Variants in NAGPA observed in about 807,000 individuals in gnomAD.
NAGPA encodes N-acetylglucosamine-1-phosphodiester alpha-N-acetylglucosaminidase, also known as alpha-N-acetylglucosaminyl phosphodiesterase.
In NAGPA, 56 loss-of-function variants were observed where a neutral mutation model predicts 48.5. The observed-to-expected ratio is 1.15, with a 90% CI of 0.93 to 1.44. The LOEUF (loss-of-function observed/expected upper bound fraction) is 1.44. Ranked by LOEUF, NAGPA falls within the 40% of genes most tolerant of loss-of-function variation. NAGPA has a pLI of 0.00. For missense variants in NAGPA, 888 were observed against 735.0 expected (o/e 1.21, Z -2.41); for synonymous variants, 399 against 315.5 (o/e 1.26, Z -2.81).
intron 9 of NAGPA, among the ~76,000 whole-genome samples, chr16:5,026,208 C>T (rs565038832): frequency 1.9e-4 from 28 of 150,578 alleles, no homozygotes; most frequent in African/African-American, 6.1e-4. Context: ...GGATTACAGG[C>T]GTGAGCCACC....
Position 5,030,401 on chromosome 16 carries a change from G to A in NAGPA, c.775C>T (p.Gln259Ter). 1 of 1,551,976 alleles carries A rather than the reference G, an allele frequency of 6.4e-7. No homozygotes were observed. The highest frequency in any genetic ancestry group is 2.4e-5 in the East Asian group (1 of 40,976). ...AGGACTCACCCACGCTGCTCCGTTT[G>A]GCCGTCTGCATGAAAGAGCACCAGC... ...GQLVLFHADG[Q>*]TEQRGINLWE... Residue 259 changes from glutamine to a stop codon, truncating the protein, a stop_gained, in exon 4 of 10, where the codon CAA becomes TAA. Coordinates refer to ENST00000312251, the MANE Select transcript of NAGPA (RefSeq NM_016256.4). LOFTEE classifies it high-confidence loss of function.
At position 5,024,987 on chromosome 16, in the gene NAGPA, T is replaced by C. The variant is rs907881688; in HGVS notation, c.*491A>G. ...ATCCCTTCTTCCAAGGAGCTTCCTATGACAGGAAATCGAATTCTAGTTGGC... is the reference window on the plus strand; with the variant it reads ...ATCCCTTCTTCCAAGGAGCTTCCTACGACAGGAAATCGAATTCTAGTTGGC... On this transcript the variant is annotated 3_prime_UTR_variant, in exon 10 of 10. Coordinates refer to ENST00000312251, the MANE Select transcript of NAGPA (RefSeq NM_016256.4). 2 of 166,954 alleles carry C rather than the reference T, an allele frequency of 1.2e-5. No individual in the cohort carries two copies. The highest frequency in any genetic ancestry group is 4.8e-5 in the African/African-American group (2 of 41,942). The allele number at this position is 166,954 out of a possible 1,614,324, so 10.3% of individuals were successfully genotyped here.
rs372949705 is a variant in NAGPA, at chr16:5,028,194, G to A, written c.921-9C>T. 2.4e-5 allele frequency: 38 copies of A among 1,554,602 alleles called. 1 individual carries two copies. In the African/African-American group the frequency reaches 4.0e-4, roughly 16 times the overall value. On this transcript the variant is annotated splice_polypyrimidine_tract_variant and intron_variant, in intron 5 of 9. Transcript: ENST00000312251. ...GCCACATGTTGTCCTGGCTGTAGAG[G>A]GATGTGATGTGTGAGGAGAGGACAC... is the stretch of plus-strand genomic sequence containing the variant.
At position 5,029,174 on chromosome 16, in the gene NAGPA, G is replaced by A. The variant is rs535991860; in HGVS notation, c.792-166C>T. 4.3e-5 allele frequency: 48 copies of A among 1,116,802 alleles called. No individual in the cohort carries two copies. The East Asian group carries it at 1.0e-3, about 23-fold the overall frequency. The allele number at this position is 1,116,802 out of a possible 1,614,324, so 69.2% of individuals were successfully genotyped here. A position where few individuals can be genotyped will look rare whatever the true frequency, so the allele number is the denominator to read the frequency against. ...CCTAGCCCCCGGAAGCTGTGAACAC[G>A]TGAGATCACACCCATGCCTGTGCTG... On this transcript the variant is annotated intron_variant, in intron 4 of 9. Coordinates refer to ENST00000312251, the MANE Select transcript of NAGPA (RefSeq NM_016256.4).
chr16:5,025,700 G>A lies in NAGPA; in HGVS notation c.1341-15C>T. Reference sequence around the variant, plus strand: ...GCCAGGCGGTCCTGCAGACAGGAGAGAAGCCCCAAGTGGGGGACTGCTGGG... The same window carrying A: ...GCCAGGCGGTCCTGCAGACAGGAGAAAAGCCCCAAGTGGGGGACTGCTGGG... On this transcript the variant is annotated splice_polypyrimidine_tract_variant and intron_variant, in intron 9 of 9. Coordinates refer to ENST00000312251, the MANE Select transcript of NAGPA (RefSeq NM_016256.4). The A allele has an allele frequency of 6.3e-7, 1 of 1,584,164 alleles. No homozygotes were observed. The highest frequency in any genetic ancestry group is 2.3e-5 in the East Asian group (1 of 42,940).
intron 7 of NAGPA, among the ~76,000 whole-genome samples, 160 bp from the exon 8 acceptor site, chr16:5,027,539 C>T (rs752896431): frequency 6.6e-6 from 1 of 152,212 alleles, no homozygotes; most frequent in African/African-American, 2.4e-5. Flanking sequence ...AGCCCCTGAA[C>T]GTGACCTTAT....
At chr16:5,032,927 C>T (rs1337286254) in intron 2 of NAGPA, 2 of 378,194 alleles carry the variant, frequency 5.3e-6, no homozygotes, top group African/African-American at 2.1e-5. Flanking sequence ...CTATTTACAA[C>T]GGGTTCACCC....
In NAGPA at chr16:5,028,130, C is replaced by T. The variant is rs373127083; in HGVS notation, c.976G>A (p.Glu326Lys). 2.3e-5 allele frequency: 37 copies of T among 1,600,128 alleles called. No individual in the cohort carries two copies. Among genetic ancestry groups the T allele is most frequent in the South Asian group, 5.6e-5 (5 of 89,372 alleles). Residue 326 changes from glutamate to lysine, a missense_variant, in exon 6 of 10, where the codon GAA (glutamate) becomes AAA (lysine). Physicochemically the swap from Glu to Lys is moderately conservative, Grantham distance 56. Transcript: ENST00000312251. ...RQVSTVVCVH[E>K]PRCQPPDCHG... Reference sequence around the variant, plus strand: ...CAGTCAGGCGGCTGGCAGCGGGGTTCGTGCACACACACCACGGTGGACACT... The same window carrying T: ...CAGTCAGGCGGCTGGCAGCGGGGTTTGTGCACACACACCACGGTGGACACT...
In NAGPA at chr16:5,025,454, T is replaced by G; in HGVS notation, c.*24A>C. On this transcript the variant is annotated 3_prime_UTR_variant, in exon 10 of 10. Transcript: ENST00000312251. Reference sequence around the variant, plus strand: ...CGTGGGGAAACAAGCTTTCGCGACGTGCCACCCCGGGCAGCTTGAGGCTTC... The same window carrying G: ...CGTGGGGAAACAAGCTTTCGCGACGGGCCACCCCGGGCAGCTTGAGGCTTC... 1 of 1,610,368 alleles carries G rather than the reference T, an allele frequency of 6.2e-7. No individual in the cohort carries two copies. Among genetic ancestry groups the G allele is most frequent in the Non-Finnish European group, 8.5e-7 (1 of 1,178,908 alleles).
chr16:5,027,645 C>A (rs1268915338), intron 7 of NAGPA, among the ~76,000 whole-genome samples: 2 of 152,158 alleles, frequency 1.3e-5, no homozygotes, highest in African/African-American at 4.8e-5. Context: ...GCCCGGGGAC[C>A]CTTGTTTTAG....
intron 5 of NAGPA, chr16:5,028,582 C>G (rs12709122): frequency 1.8e-6 from 1 of 550,762 alleles, no homozygotes; most frequent in African/African-American, 1.9e-5. Context: ...TCCCTCCCAG[C>G]CCTGGGCCTT....
intron 2 of NAGPA, 100 bp from the exon 3 acceptor site, chr16:5,031,984 C>T: frequency 6.5e-7 from 1 of 1,534,126 alleles, no homozygotes; most frequent in Admixed American, 1.7e-5. Flanking sequence ...GCTAGATTCC[C>T]CCTCATGCCC....
intron 9 of NAGPA, 47 bp downstream of exon 9, chr16:5,027,088 A>AG: frequency 6.2e-7 from 1 of 1,603,024 alleles, no homozygotes; most frequent in Non-Finnish European, 8.5e-7. Flanking sequence ...GCGGGAGAGA[A>AG]GGGGGATTCC....
chr16:5,030,326 C>T lies in NAGPA; in HGVS notation c.791+59G>A, dbSNP rs963832050. 1.7e-5 allele frequency: 25 copies of T among 1,469,466 alleles called. No individual in the cohort carries two copies. In the African/African-American group the frequency reaches 3.2e-4, roughly 19 times the overall value. 91.0% of individuals were successfully genotyped at this position (1,469,466 alleles called of 1,614,324 possible). A position where few individuals can be genotyped will look rare whatever the true frequency, so the allele number is the denominator to read the frequency against. On this transcript the variant is annotated intron_variant, in intron 4 of 9. Transcript: ENST00000312251. ...AGTCAGAGGGTGGCTGTCATTGGGT[C>T]AACGTTCCTCCTAGCAGGACTGAGC...
chr16:5,030,528 T>G (rs370053222), intron 3 of NAGPA, 35 bp from the exon 4 acceptor site: 2 of 1,505,464 alleles, frequency 1.3e-6, no homozygotes, highest in African/African-American at 1.4e-5. Flanking sequence ...TCACCGCCCC[T>G]TGGGAGGCCT....
intron 3 of NAGPA, 34 bp downstream of exon 3, chr16:5,031,711 G>A (rs975163301): frequency 1.2e-6 from 2 of 1,613,848 alleles, no homozygotes; most frequent in Non-Finnish European, 1.7e-6. Flanking sequence ...CCTGGTTCTC[G>A]AGAGGGTTGT....
chr16:5,028,528 C>T, intron 5 of NAGPA: 1 of 589,244 alleles, frequency 1.7e-6, no homozygotes, highest in Non-Finnish European at 3.1e-6. Flanking sequence ...AGCCCCTGTG[C>T]CCAGCCCTCT....
Position 5,027,909 on chromosome 16 carries a change from C to A in NAGPA, c.1127-16G>T. 6.2e-7 allele frequency: 1 copy of A among 1,607,654 alleles called. No individual in the cohort carries two copies. The highest frequency in any genetic ancestry group is 8.5e-7 in the Non-Finnish European group (1 of 1,177,232). On this transcript the variant is annotated splice_polypyrimidine_tract_variant and intron_variant, in intron 6 of 9. Coordinates refer to ENST00000312251, the MANE Select transcript of NAGPA (RefSeq NM_016256.4). Reference sequence around the variant, plus strand: ...CGGCAGCCGGCTGCCGAGACAAGACCGGGGAGGCCAGGTGAGGGCCTAGGG... The same window carrying A: ...CGGCAGCCGGCTGCCGAGACAAGACAGGGGAGGCCAGGTGAGGGCCTAGGG...
At position 5,027,368 on chromosome 16, in the gene NAGPA, C is replaced by T; in HGVS notation, c.1186G>A (p.Gly396Ser). ...CTCTGGCAGCCCGGCCCATGCCAGC[C>T]AAGGGGACACTCTATGGAAAGGAGA... is the stretch of plus-strand genomic sequence containing the variant. ...GSNCSEECPL[G>S]WHGPGCQRPC... is the part of the protein sequence containing the mutation. Residue 396 changes from glycine (G) to serine (S), a missense_variant, in exon 8 of 10, where the codon GGC becomes AGC. Coordinates refer to ENST00000312251, the MANE Select transcript of NAGPA (RefSeq NM_016256.4). The T allele has an allele frequency of 6.2e-7, 1 of 1,613,186 alleles. No homozygotes were observed. Among genetic ancestry groups the T allele is most frequent in the East Asian group, 2.2e-5 (1 of 44,808 alleles).
Sources: allele counts gnomAD v4.1 joint callset (sites outside exome capture counted in the v4.1 genomes callset), GRCh38; gene constraint gnomAD v4.1.1; transcripts MANE v1.5; gene names NCBI Gene and HGNC (gene_info 2026-07-23, HGNC 2026-07-21).